XKR9: variants seen among roughly 807,000 people sequenced by gnomAD.
XKR9 encodes XK-related protein 9.
XKR9 carries 32 observed loss-of-function variants against 32.0 expected under a neutral mutation model. That is an observed-to-expected ratio of 1.00 (90% CI 0.76 to 1.34). The LOEUF is 1.34. XKR9 is among the 40% of genes most tolerant of loss of function. XKR9 has a pLI of 0.00. For synonymous variants in XKR9, 168 were observed against 143.4 expected (o/e 1.17, Z -1.22); for missense variants, 546 against 429.7 (o/e 1.27, Z -2.39).
chr8:70,756,155 C>T (rs1184103387), intron 2 of XKR9, among the ~76,000 whole-genome samples: 2 of 152,130 alleles, frequency 1.3e-5, no homozygotes, highest in African/African-American at 2.4e-5. Context: ...TCTTGGCACC[C>T]TTATTGAAAA....
chr8:70,729,461 C>G (rs1477534828), intron 4 of XKR9, among the ~76,000 whole-genome samples: 1 of 152,136 alleles, frequency 6.6e-6, no homozygotes, highest in African/African-American at 2.4e-5. Context: ...AACATTTCAA[C>G]TCTCTGCGGG....
chr8:70,876,431 C>T, the XKR9 span, among the ~76,000 whole-genome samples: 6 of 151,900 alleles, frequency 3.9e-5, no homozygotes, highest in Non-Finnish European at 8.8e-5. Flanking sequence ...AGGCTGGTCT[C>T]GTTCTTCAGA....
intron 4 of XKR9, among the ~76,000 whole-genome samples, chr8:70,732,382 T>C (rs948479756): frequency 6.6e-6 from 1 of 152,186 alleles, no homozygotes; most frequent in Non-Finnish European, 1.5e-5. Flanking sequence ...ATTAAATCCA[T>C]GCACATTGGG....
intron 3 of XKR9, among the ~76,000 whole-genome samples, chr8:70,704,593 G>A (rs545818359): frequency 2.0e-5 from 3 of 152,268 alleles, no homozygotes; most frequent in South Asian, 2.1e-4. Context: ...TTTGAACCAC[G>A]GCATTCTGGC....
At chr8:71,016,041 A>T in the XKR9 span, among the ~76,000 whole-genome samples, 175 of 152,260 alleles carry the variant, frequency 1.1e-3, no homozygotes, top group African/African-American at 3.8e-3. Context: ...ACACAGCATC[A>T]TGGCTGCTTA....
chr8:70,753,943 G>C (rs1393258834), intron 2 of XKR9, among the ~76,000 whole-genome samples: 2 of 132,508 alleles, frequency 1.5e-5, no homozygotes, highest in African/African-American at 5.1e-5. Flanking sequence ...AGGAAATAAA[G>C]GGTATTCAAC....
chr8:70,922,402 A>G, the XKR9 span, among the ~76,000 whole-genome samples: 1 of 152,244 alleles, frequency 6.6e-6, no homozygotes, highest in African/African-American at 2.4e-5. Flanking sequence ...GTCACTACAG[A>G]TAATTCCATT....
At chr8:70,871,238 G>C in the XKR9 span, among the ~76,000 whole-genome samples, 1 of 152,046 alleles carries the variant, frequency 6.6e-6, no homozygotes, top group African/African-American at 2.4e-5. Flanking sequence ...TACTGAGCTA[G>C]GTGAAGAAGA....
the XKR9 span, among the ~76,000 whole-genome samples, chr8:70,943,359 ATCT>A: frequency 6.6e-6 from 1 of 152,152 alleles, no homozygotes. Context: ...CTGCAAAATG[ATCT>A]TCTAAAACAA....
the XKR9 span, among the ~76,000 whole-genome samples, chr8:70,875,116 C>T: frequency 6.6e-6 from 1 of 152,080 alleles, no homozygotes; most frequent in Non-Finnish European, 1.5e-5. Context: ...AGAGGGAGGT[C>T]CTACTTGTTC....
At chr8:70,745,560 A>C (rs144160761) in intron 2 of XKR9, among the ~76,000 whole-genome samples, 59 of 152,282 alleles carry the variant, frequency 3.9e-4, no homozygotes, top group Middle Eastern at 3.4e-3. Flanking sequence ...TTTAGTAGGC[A>C]TTAGGTAGGG....
intron 4 of XKR9, among the ~76,000 whole-genome samples, chr8:70,730,416 A>C (rs1806625367): frequency 6.6e-6 from 1 of 152,096 alleles, no homozygotes; most frequent in South Asian, 2.1e-4. Flanking sequence ...TTCTAAAGAA[A>C]AATTCTTTTA....
the XKR9 span, among the ~76,000 whole-genome samples, chr8:70,903,106 T>G: frequency 1.5e-4 from 23 of 152,154 alleles, no homozygotes; most frequent in East Asian, 1.9e-4. Flanking sequence ...TTCTTTTTTT[T>G]TTGTTGTGGT....
chr8:71,006,878 G>A, the XKR9 span, among the ~76,000 whole-genome samples: 4 of 152,308 alleles, frequency 2.6e-5, no homozygotes, highest in South Asian at 8.3e-4. Context: ...AAAATTCTCT[G>A]AGAATCCTGC....
chr8:70,972,481 G>T, the XKR9 span, among the ~76,000 whole-genome samples: 1 of 152,052 alleles, frequency 6.6e-6, no homozygotes, highest in African/African-American at 2.4e-5. Context: ...GAGTGCTTTG[G>T]CTGGGACTTA....
the XKR9 span, among the ~76,000 whole-genome samples, chr8:70,911,057 C>A: frequency 6.6e-6 from 1 of 152,164 alleles, no homozygotes; most frequent in Non-Finnish European, 1.5e-5. Flanking sequence ...TTGGGCACAC[C>A]TGTATAATCC....
chr8:70,944,379 G>T, the XKR9 span, among the ~76,000 whole-genome samples: 1 of 152,082 alleles, frequency 6.6e-6, no homozygotes, highest in African/African-American at 2.4e-5. Flanking sequence ...AAAACAAAAC[G>T]AAACAAACAA....
chr8:70,776,456 T>A (rs1016468118), intron 2 of XKR9, among the ~76,000 whole-genome samples: 1 of 152,136 alleles, frequency 6.6e-6, no homozygotes, highest in Non-Finnish European at 1.5e-5. Flanking sequence ...TTAAAGCTAA[T>A]CTTTCATGAG....
At chr8:70,847,327 G>A in the XKR9 span, among the ~76,000 whole-genome samples, 1 of 151,822 alleles carries the variant, frequency 6.6e-6, no homozygotes, top group African/African-American at 2.4e-5. Context: ...CAAAACCTAT[G>A]GGATACAGCA....
Sources: allele counts gnomAD v4.1 joint callset (sites outside exome capture counted in the v4.1 genomes callset), GRCh38; gene constraint gnomAD v4.1.1; transcripts MANE v1.5; gene names NCBI Gene and HGNC (gene_info 2026-07-23, HGNC 2026-07-21).